Variants in CELF6 observed in about 807,000 individuals in gnomAD.
CELF6 encodes CUGBP Elav-like family member 6, also known as Bruno -like 6, RNA binding protein.
Under a neutral mutation model 53.1 loss-of-function variants are expected in CELF6, and 32 were observed. The ratio of observed to expected loss-of-function variants is 0.60; its 90% CI spans 0.46 to 0.81. The LOEUF (loss-of-function observed/expected upper bound fraction) is 0.81. Among genes scored for constraint, CELF6 ranks in the 30% least tolerant of loss-of-function variants. CELF6 has a pLI of 0.00. For synonymous variants in CELF6, 291 were observed against 288.8 expected (o/e 1.01, Z -0.08); for missense variants, 539 against 669.5 (o/e 0.81, Z 2.15).
intron 2 of CELF6, among the ~76,000 whole-genome samples, chr15:72,314,947 C>T (rs1047447601): frequency 1.3e-5 from 2 of 152,098 alleles, no homozygotes; most frequent in African/African-American, 4.8e-5. Flanking sequence ...TATTAAAGTC[C>T]CTCTAAGCCC....
At chr15:72,295,247 A>T (rs545484190) in intron 3 of CELF6, among the ~76,000 whole-genome samples, 2 of 152,096 alleles carry the variant, frequency 1.3e-5, no homozygotes, top group Non-Finnish European at 1.5e-5. Flanking sequence ...AGGCAGGAGA[A>T]TCGCTTGAAC....
intron 3 of CELF6, chr15:72,292,122 G>T: frequency 1.0e-6 from 1 of 969,546 alleles, no homozygotes; most frequent in Non-Finnish European, 1.5e-6. Flanking sequence ...AAAAGGAGGG[G>T]TGGAGTTCAT....
chr15:72,315,800 T>C, intron 2 of CELF6, 45 bp downstream of exon 2: 2 of 1,367,926 alleles, frequency 1.5e-6, no homozygotes, highest in Non-Finnish European at 2.0e-6. Context: ...CAGGGCACTG[T>C]CCCCAGCCTG....
chr15:72,301,396 A>C (rs1335138044), intron 3 of CELF6, among the ~76,000 whole-genome samples: 2 of 152,162 alleles, frequency 1.3e-5, no homozygotes, highest in Non-Finnish European at 2.9e-5. Flanking sequence ...GGGAAGAAAA[A>C]TCATGCATAA....
chr15:72,294,457 C>T lies in CELF6; in HGVS notation c.395-4202G>A, dbSNP rs911008842. Among the ~76,000 whole-genome samples the T allele has an allele frequency of 4.6e-5, 7 of 152,222 alleles. No homozygotes were observed. In the East Asian group the frequency reaches 5.8e-4, roughly 13 times the overall value. ...AACTCTCTCCTGATACTCTTAGTGA[C>T]GACTGCAGCATAAGAAGCCACGGGG... On this transcript the variant is annotated intron_variant, in intron 3 of 12. Coordinates refer to ENST00000287202, the MANE Select transcript of CELF6 (RefSeq NM_052840.5).
chr15:72,311,243 C>T (rs1027355430), intron 2 of CELF6, among the ~76,000 whole-genome samples: 2 of 151,124 alleles, frequency 1.3e-5, no homozygotes, highest in Non-Finnish European at 2.9e-5. Flanking sequence ...TCAAGTGATC[C>T]GCCCGCCTCA....
chr15:72,289,864 C>A lies in CELF6; in HGVS notation c.603+75G>T. 6.6e-7 allele frequency: 1 copy of A among 1,512,756 alleles called. No individual in the cohort carries two copies. Among genetic ancestry groups the A allele is most frequent in the South Asian group, 1.2e-5 (1 of 81,136 alleles). The allele number at this position is 1,512,756 out of a possible 1,614,324, so 93.7% of individuals were successfully genotyped here. Reference sequence around the variant, plus strand: ...TCCCATCAGGTCCTTTCGCGGGGCACCGAGCACACTCGGGGAGGAGAAGCC... The same window carrying A: ...TCCCATCAGGTCCTTTCGCGGGGCAACGAGCACACTCGGGGAGGAGAAGCC... On this transcript the variant is annotated intron_variant, in intron 5 of 12. Coordinates refer to ENST00000287202, the MANE Select transcript of CELF6 (RefSeq NM_052840.5). The surrounding 1 kb of genome is among the most constrained non-coding windows in gnomAD (Gnocchi z 7.6).
intron 3 of CELF6, among the ~76,000 whole-genome samples, chr15:72,293,207 T>G (rs1182496649): frequency 6.6e-6 from 1 of 152,168 alleles, no homozygotes; most frequent in Non-Finnish European, 1.5e-5. Flanking sequence ...ACCTTGATTG[T>G]GTTTGACAGG....
chr15:72,292,199 TAGAAGATAGAGAAC>T (rs1348943708), intron 3 of CELF6: 1 of 1,534,570 alleles, frequency 6.5e-7, no homozygotes, highest in Non-Finnish European at 8.7e-7. Flanking sequence ...ATTACTGACC[TAGAAGATAGAGAAC>T]AGAGTTCCAG....
At chr15:72,314,759 T>A (rs2088341555) in intron 2 of CELF6, among the ~76,000 whole-genome samples, 1 of 152,038 alleles carries the variant, frequency 6.6e-6, no homozygotes, top group Admixed American at 6.6e-5. Context: ...CATGTCTAGC[T>A]AATTTTTGTA....
At chr15:72,292,076 G>A (rs775327853) in intron 3 of CELF6, 303 of 645,354 alleles carry the variant, frequency 4.7e-4, no homozygotes, top group Middle Eastern at 2.5e-3. Context: ...AGCTCAAAAT[G>A]TAAGAGAAAA....
Position 72,289,687 on chromosome 15 carries a change from G to T in CELF6, c.687C>A (p.His229Gln). The T allele has an allele frequency of 6.7e-7, 1 of 1,490,248 alleles. No homozygotes were observed. Among genetic ancestry groups the T allele is most frequent in the Non-Finnish European group, 8.9e-7 (1 of 1,129,924 alleles). 92.3% of individuals were successfully genotyped at this position (1,490,248 alleles called of 1,614,324 possible). The change falls in exon 6 of 13, where the codon CAC (histidine) becomes CAA (glutamine). Residue 229 changes from histidine to glutamine, a missense_variant. Physicochemically the swap from His to Gln is conservative, Grantham distance 24. Around this residue, in one of 3 missense-constraint regions of CELF6, gnomAD observed 358 missense variants for 412.8 expected, o/e 0.87. Coordinates refer to ENST00000287202, the MANE Select transcript of CELF6 (RefSeq NM_052840.5). This position sits in a 1 kb window ranked among gnomAD's most constrained non-coding sequence, Gnocchi z 7.6. The stretch of plus-strand genomic sequence containing the variant: ...GTGGCGCGGGGTGGAAGGCGCCCAG[G>T]TGGCCGGCCATCTGCTGCATCCGCC... ...ALRRMQQMAG[H>Q]LGAFHPAPLP... is the part of the protein sequence containing the mutation.
chr15:72,319,985 A>G lies in CELF6; in HGVS notation c.-111T>C, dbSNP rs1332577175. 6.2e-5 allele frequency: 59 copies of G among 948,984 alleles called. No individual in the cohort carries two copies. Among genetic ancestry groups the G allele is most frequent in the Non-Finnish European group, 7.4e-5 (57 of 769,146 alleles). The allele number at this position is 948,984 out of a possible 1,614,324, so 58.8% of individuals were successfully genotyped here. A position where few individuals can be genotyped will look rare whatever the true frequency, so the allele number is the denominator to read the frequency against. On this transcript the variant is annotated 5_prime_UTR_variant, in exon 1 of 13. Transcript: ENST00000287202. This position sits in a 1 kb window ranked among gnomAD's most constrained non-coding sequence, Gnocchi z 5.0. ...GGGAGGGGGCGGAGCCCGGGCGGAG[A>G]GGGCGGGGGGCTGCCCAGGGGGCGG...
rs1362638701 is a variant in CELF6 at position 72,288,974 on chromosome 15, C to A, written c.1031-44G>T. 3.3e-6 allele frequency: 5 copies of A among 1,518,840 alleles called. No homozygotes were observed. The highest frequency in any genetic ancestry group is 4.5e-6 in the Non-Finnish European group (5 of 1,120,632). 94.1% of individuals were successfully genotyped at this position (1,518,840 alleles called of 1,614,324 possible). A position where few individuals can be genotyped will look rare whatever the true frequency, so the allele number is the denominator to read the frequency against. ...GAGGCCCACAGTGAAGGCAAGCGGG[C>A]GAGCAGAGTGGGTGAGAAGCTCAGG... On this transcript the variant is annotated intron_variant, in intron 8 of 12. Transcript: ENST00000287202. The surrounding 1 kb of genome is among the most constrained non-coding windows in gnomAD (Gnocchi z 4.6).
At chr15:72,294,193 G>A (rs148233514) in intron 3 of CELF6, among the ~76,000 whole-genome samples, 41 of 152,310 alleles carry the variant, frequency 2.7e-4, no homozygotes, top group African/African-American at 7.9e-4. Context: ...AGGAAGGAGC[G>A]TCTGCCTCAT....
chr15:72,290,608 G>A (rs959130312), intron 3 of CELF6, among the ~76,000 whole-genome samples: 14 of 152,160 alleles, frequency 9.2e-5, no homozygotes, highest in Non-Finnish European at 2.1e-4. Context: ...GTTGGGAAAC[G>A]CTGTTTTGGA....
chr15:72,292,240 G>C, intron 3 of CELF6: 1 of 1,535,490 alleles, frequency 6.5e-7, no homozygotes. Flanking sequence ...TTTGAGGGGG[G>C]ATCTGAGATC....
At chr15:72,306,377 G>T in intron 2 of CELF6, 1 of 846,360 alleles carries the variant, frequency 1.2e-6, no homozygotes, top group Non-Finnish European at 1.4e-6. Context: ...CTCTGCTTCT[G>T]CACCAATCAG....
rs200682140 is a variant in CELF6, at chr15:72,288,500, C to T, written c.1174+38G>A. ...TTCAGGGGAAGGACCCTGAGTCCAGCCCCACCAGGTTCTGCTGTCCAGCCC... is the reference window on the plus strand; with the variant it reads ...TTCAGGGGAAGGACCCTGAGTCCAGTCCCACCAGGTTCTGCTGTCCAGCCC... On this transcript the variant is annotated intron_variant, in intron 10 of 12. Transcript: ENST00000287202. This position sits in a 1 kb window ranked among gnomAD's most constrained non-coding sequence, Gnocchi z 4.6. 171 of 1,613,510 alleles carry T rather than the reference C, an allele frequency of 1.1e-4. No homozygotes were observed. In the African/African-American group the frequency reaches 2.0e-3, roughly 19 times the overall value.
Sources: allele counts gnomAD v4.1 joint callset (sites outside exome capture counted in the v4.1 genomes callset), GRCh38; gene constraint gnomAD v4.1.1; regional missense constraint gnomAD v4.1.1; non-coding constraint Gnocchi (gnomAD v3.1); transcripts MANE v1.5; gene names NCBI Gene and HGNC (gene_info 2026-07-23, HGNC 2026-07-21).